HS3ST3A1: variants seen among roughly 807,000 people sequenced by gnomAD.
HS3ST3A1 encodes heparan sulfate glucosamine 3-O-sulfotransferase 3A1.
Under a neutral mutation model 25.7 loss-of-function variants are expected in HS3ST3A1, and 19 were observed. The observed-to-expected ratio is 0.74, with a 90% confidence interval of 0.52 to 1.08. HS3ST3A1 has a LOEUF of 1.08. Among genes scored for constraint, HS3ST3A1 ranks in the 50% least tolerant of loss-of-function variants. HS3ST3A1 has a pLI of 0.00. For synonymous variants in HS3ST3A1, 226 were observed against 278.6 expected, an observed-to-expected ratio of 0.81 and a Z score of 1.88; for missense variants, 459 against 594.3, an observed-to-expected ratio of 0.77 and a Z score of 2.37.
intron 1 of HS3ST3A1, among the ~76,000 whole-genome samples, chr17:13,569,523 C>T (rs546891936): frequency 2.6e-4 from 40 of 152,308 alleles, no homozygotes; most frequent in African/African-American, 7.5e-4. Context: ...AGCCCTCCAC[C>T]GGAGACTGCT....
chr17:13,524,223 A>C (rs1906338856), intron 1 of HS3ST3A1, among the ~76,000 whole-genome samples: 1 of 152,136 alleles, frequency 6.6e-6, no homozygotes, highest in Non-Finnish European at 1.5e-5. Flanking sequence ...TTCTGTGTGG[A>C]TAAGTAGCCT....
intron 1 of HS3ST3A1, among the ~76,000 whole-genome samples, chr17:13,557,456 A>T (rs1450355417): frequency 1.4e-5 from 1 of 69,344 alleles, no homozygotes; most frequent in Non-Finnish European, 2.5e-5. Flanking sequence ...GAAGATTTGT[A>T]ACAACAACAA....
chr17:13,509,613 G>C (rs1320842328), intron 1 of HS3ST3A1, among the ~76,000 whole-genome samples: 1 of 152,066 alleles, frequency 6.6e-6, no homozygotes, highest in Non-Finnish European at 1.5e-5. Flanking sequence ...AGATTGATAG[G>C]TTACAAGGAG....
rs760223517 is a variant in HS3ST3A1, at chr17:13,496,476, C to A, written c.942G>T (p.Arg314=). Residue 314 remains arginine, a synonymous_variant, in exon 2 of 2, where the codon CGG becomes CGT. Coordinates refer to ENST00000284110, the MANE Select transcript of HS3ST3A1 (RefSeq NM_006042.3). ...IRQMLFVSGE[R]LISDPAGELG... is the part of the protein sequence containing the mutation. ...GCTCCCCGGCCGGGTCGCTGATGAG[C>A]CGCTCGCCGCTCACGAAGAGCATCT... is the stretch of plus-strand genomic sequence containing the variant. 1.3e-4 allele frequency: 184 copies of A among 1,399,052 alleles called. No homozygotes were observed. In the South Asian group the frequency reaches 1.8e-3, roughly 14 times the overall value. The allele number at this position is 1,399,052 out of a possible 1,614,324, so 86.7% of individuals were successfully genotyped here. A position where few individuals can be genotyped will look rare whatever the true frequency, so the allele number is the denominator to read the frequency against.
chr17:13,538,583 TACTCTG>T (rs1476706258), intron 1 of HS3ST3A1, among the ~76,000 whole-genome samples: 1 of 152,098 alleles, frequency 6.6e-6, no homozygotes, highest in Non-Finnish European at 1.5e-5. Context: ...GCCAGCATAA[TACTCTG>T]ACCCACATTT....
chr17:13,585,840 G>GTT lies in HS3ST3A1; in HGVS notation c.599+14689_599+14690dup, dbSNP rs1207776880. 2.8e-3 allele frequency among the ~76,000 whole-genome samples: 173 copies of GTT among 62,008 alleles called. 27 individuals carry two copies. Among genetic ancestry groups the GTT allele is most frequent in the African/African-American group, 0.011 (124 of 11,714 alleles). 40.7% of individuals were successfully genotyped at this position (62,008 alleles called of 152,430 possible). ...TGAGACCTGTTATTCCTCCTTCTGC[G>GTT]TTTTTTTTTTTTTTTTTTTTTTTTT... On this transcript the variant is annotated intron_variant, in intron 1 of 1. Coordinates refer to ENST00000284110, the MANE Select transcript of HS3ST3A1 (RefSeq NM_006042.3).
At chr17:13,556,768 C>T (rs1427719692) in intron 1 of HS3ST3A1, among the ~76,000 whole-genome samples, 1 of 149,806 alleles carries the variant, frequency 6.7e-6, no homozygotes, top group East Asian at 2.0e-4. Flanking sequence ...AAGAGAATCG[C>T]TTGAAACCGG....
At chr17:13,591,486 GT>G (rs1442759228) in intron 1 of HS3ST3A1, among the ~76,000 whole-genome samples, 1 of 152,110 alleles carries the variant, frequency 6.6e-6, no homozygotes, top group African/African-American at 2.4e-5. Flanking sequence ...AACAAGATAA[GT>G]TCTGTGATCA....
chr17:13,511,586 C>T (rs1019357121), intron 1 of HS3ST3A1, among the ~76,000 whole-genome samples: 25 of 151,476 alleles, frequency 1.7e-4, no homozygotes, highest in African/African-American at 5.6e-4. Flanking sequence ...TCACAACATT[C>T]GCACGTGGAG....
intron 1 of HS3ST3A1, among the ~76,000 whole-genome samples, chr17:13,584,441 AAGAG>A (rs1208390582): frequency 6.8e-6 from 1 of 147,500 alleles, no homozygotes; most frequent in Non-Finnish European, 1.5e-5. Flanking sequence ...AAAAAGAAGA[AAGAG>A]AGAGAGAGGA....
In HS3ST3A1 at chr17:13,496,515, G is replaced by A; in HGVS notation, c.903C>T (p.His301=). The A allele has an allele frequency of 6.8e-7, 1 of 1,472,516 alleles. No homozygotes were observed. Among genetic ancestry groups the A allele is most frequent in the African/African-American group, 1.4e-5 (1 of 68,970 alleles). 91.2% of individuals were successfully genotyped at this position (1,472,516 alleles called of 1,614,324 possible). The change falls in exon 2 of 2, where the codon CAC becomes CAT. Residue 301 remains histidine, a synonymous_variant. Coordinates refer to ENST00000284110, the MANE Select transcript of HS3ST3A1 (RefSeq NM_006042.3). ...YAKHLEHWLR[H]FPIRQMLFVS... Reference sequence around the variant, plus strand: ...CGAAGAGCATCTGGCGGATGGGGAAGTGGCGCAGCCAGTGCTCCAGGTGCT... The same window carrying A: ...CGAAGAGCATCTGGCGGATGGGGAAATGGCGCAGCCAGTGCTCCAGGTGCT...
At chr17:13,588,495 A>C (rs1908336855) in intron 1 of HS3ST3A1, among the ~76,000 whole-genome samples, 1 of 152,186 alleles carries the variant, frequency 6.6e-6, no homozygotes, top group Non-Finnish European at 1.5e-5. Context: ...CATGTACACT[A>C]GTCAACGTTT....
intron 1 of HS3ST3A1, among the ~76,000 whole-genome samples, chr17:13,537,458 T>C (rs1449287414): frequency 6.6e-6 from 1 of 152,194 alleles, no homozygotes; most frequent in Non-Finnish European, 1.5e-5. Context: ...GCCGCCTCCC[T>C]CTTGTCCCCA....
intron 1 of HS3ST3A1, among the ~76,000 whole-genome samples, chr17:13,572,671 C>A (rs1907849497): frequency 6.6e-6 from 1 of 152,290 alleles, no homozygotes; most frequent in South Asian, 2.1e-4. Context: ...TTGTTAAGGT[C>A]ATTTCACCTG....
intron 1 of HS3ST3A1, among the ~76,000 whole-genome samples, chr17:13,538,625 A>G (rs559478174): frequency 6.6e-6 from 1 of 152,266 alleles, no homozygotes; most frequent in African/African-American, 2.4e-5. Context: ...AGGTGAGAAC[A>G]TTAAGAGACT....
chr17:13,551,058 C>A, intron 1 of HS3ST3A1, among the ~76,000 whole-genome samples: 1 of 74,566 alleles, frequency 1.3e-5, no homozygotes, highest in African/African-American at 5.8e-5. Context: ...CAGAGCGAGA[C>A]TCTGTCTCAA....
At chr17:13,526,498 ATATATATATATATATATT>A (rs1906430920) in intron 1 of HS3ST3A1, among the ~76,000 whole-genome samples, 1 of 133,016 alleles carries the variant, frequency 7.5e-6, no homozygotes, top group Admixed American at 7.4e-5. Flanking sequence ...ATATATATAT[ATATATATATATATATATT>A]ATTGGGTTGG....
intron 1 of HS3ST3A1, among the ~76,000 whole-genome samples, chr17:13,541,848 C>T (rs1344500548): frequency 1.3e-5 from 2 of 152,134 alleles, no homozygotes; most frequent in Non-Finnish European, 2.9e-5. Flanking sequence ...CCTCTTTCAA[C>T]TGTGAACAAT....
At chr17:13,561,574 A>G (rs1292100482) in intron 1 of HS3ST3A1, among the ~76,000 whole-genome samples, 1 of 151,996 alleles carries the variant, frequency 6.6e-6, no homozygotes, top group African/African-American at 2.4e-5. Flanking sequence ...TTGTAATTTT[A>G]GTAGTGACGG....
Sources: gnomAD v4.1 joint callset for allele counts (sites outside exome capture counted in the v4.1 genomes callset) on GRCh38, gnomAD v4.1.1 for gene constraint, MANE v1.5 for transcripts, NCBI Gene and HGNC (gene_info 2026-07-23, HGNC 2026-07-21) for gene names.